Variants in PIK3C2G observed in about 807,000 individuals in gnomAD.
PIK3C2G encodes the protein phosphatidylinositol-4-phosphate 3-kinase catalytic subunit type 2 gamma, also known as phosphatidylinositol 3-kinase C2 domain-containing subunit gamma.
In PIK3C2G, 168 loss-of-function variants were observed where a neutral mutation model predicts 181.1. The observed-to-expected ratio is 0.93, with a 90% CI of 0.82 to 1.05. The LOEUF (loss-of-function observed/expected upper bound fraction) is 1.05. PIK3C2G is among the 50% of genes least tolerant of loss of function. The pLI, the probability that PIK3C2G is intolerant of heterozygous loss-of-function variation, is 0.00. For synonymous variants in PIK3C2G, 573 were observed against 592.2 expected, an observed-to-expected ratio of 0.97 and a Z score of 0.47; for missense variants, 1,869 against 1,732.8, an observed-to-expected ratio of 1.08 and a Z score of -1.40.
At chr12:18,354,241 A>T (rs1265097087) in intron 11 of PIK3C2G, among the ~76,000 whole-genome samples, 5 of 152,212 alleles carry the variant, frequency 3.3e-5, no homozygotes, top group Non-Finnish European at 7.3e-5. Flanking sequence ...CAAGTCCTGT[A>T]GGTAGAAGGG....
At chr12:18,449,620 G>C (rs777389709) in intron 18 of PIK3C2G, among the ~76,000 whole-genome samples, 2 of 152,132 alleles carry the variant, frequency 1.3e-5, no homozygotes, top group Non-Finnish European at 2.9e-5. Flanking sequence ...TTCCTGCAAA[G>C]GACATGAATT....
chr12:18,312,198 G>A (rs1380705315), intron 5 of PIK3C2G, among the ~76,000 whole-genome samples: 3 of 152,060 alleles, frequency 2.0e-5, no homozygotes, highest in African/African-American at 7.2e-5. Flanking sequence ...TGCATCCTCC[G>A]ATCCAATCAA....
intron 31 of PIK3C2G, among the ~76,000 whole-genome samples, chr12:18,613,664 G>A (rs928848223): frequency 6.6e-6 from 1 of 152,026 alleles, no homozygotes; most frequent in African/African-American, 2.4e-5. Flanking sequence ...TTGGTCCCAT[G>A]GATTCCTCTA....
intron 22 of PIK3C2G, among the ~76,000 whole-genome samples, chr12:18,500,735 AT>A (rs1350155377): frequency 6.6e-6 from 1 of 152,122 alleles, no homozygotes; most frequent in Non-Finnish European, 1.5e-5. Flanking sequence ...AGATAAAAGA[AT>A]AAAAGCAGGC....
the PIK3C2G span, among the ~76,000 whole-genome samples, chr12:18,712,236 A>G: frequency 6.6e-6 from 1 of 152,164 alleles, no homozygotes; most frequent in Non-Finnish European, 1.5e-5. Context: ...CACGTTTATA[A>G]ATGAAACCAG....
At chr12:18,655,316 C>T in the PIK3C2G span, among the ~76,000 whole-genome samples, 2 of 152,058 alleles carry the variant, frequency 1.3e-5, no homozygotes, top group Non-Finnish European at 2.9e-5. Flanking sequence ...AAAGAGTTCC[C>T]AATGGCCAAA....
intron 11 of PIK3C2G, among the ~76,000 whole-genome samples, chr12:18,361,125 C>T (rs937364835): frequency 4.0e-5 from 6 of 151,890 alleles, no homozygotes; most frequent in African/African-American, 1.5e-4. Context: ...GCTTCTCTGG[C>T]TGGATAATTT....
intron 18 of PIK3C2G, among the ~76,000 whole-genome samples, chr12:18,444,584 A>G (rs1319816548): frequency 6.6e-6 from 1 of 152,168 alleles, no homozygotes; most frequent in Non-Finnish European, 1.5e-5. Context: ...TATCCTGAAT[A>G]TAACAATTAG....
chr12:18,501,188 G>C lies in PIK3C2G; in HGVS notation c.3017-2093G>C, dbSNP rs1042641548. ...AGCAATTCCGGACGCACCTGGACTG[G>C]GTAATTAATAAAGGAAAGAGGTTAA... On this transcript the variant is annotated intron_variant, in intron 22 of 32. Transcript: ENST00000538779. 3.3e-5 allele frequency among the ~76,000 whole-genome samples: 5 copies of C among 152,306 alleles called. No homozygotes were observed. In the South Asian group the frequency reaches 1.0e-3, roughly 32 times the overall value.
intron 24 of PIK3C2G, among the ~76,000 whole-genome samples, chr12:18,537,348 T>C (rs1943913817): frequency 6.6e-6 from 1 of 152,118 alleles, no homozygotes. Flanking sequence ...AAACTCTGTG[T>C]TCTTATTCAA....
intron 18 of PIK3C2G, among the ~76,000 whole-genome samples, chr12:18,486,770 A>G (rs1304756305): frequency 1.3e-5 from 2 of 152,102 alleles, no homozygotes; most frequent in East Asian, 3.9e-4. Flanking sequence ...GATGAATCCC[A>G]TGTAGACTAT....
intron 6 of PIK3C2G, among the ~76,000 whole-genome samples, chr12:18,316,025 T>C (rs976250455): frequency 9.2e-5 from 14 of 152,062 alleles, no homozygotes; most frequent in African/African-American, 3.4e-4. Context: ...ATTATGATGG[T>C]ATATATTAGG....
chr12:18,692,143 A>G, the PIK3C2G span, among the ~76,000 whole-genome samples: 1 of 152,190 alleles, frequency 6.6e-6, no homozygotes, highest in African/African-American at 2.4e-5. Flanking sequence ...AGGAGCGCTC[A>G]GCAGCTGGCA....
At chr12:18,443,492 A>G (rs1040578744) in intron 18 of PIK3C2G, among the ~76,000 whole-genome samples, 13 of 152,194 alleles carry the variant, frequency 8.5e-5, no homozygotes, top group East Asian at 7.7e-4. Context: ...GAAATGAAAA[A>G]CCACTTCTTT....
Position 18,556,002 on chromosome 12 carries a change from C to T in PIK3C2G, c.3591-6701C>T, listed in dbSNP as rs115627800. Among the ~76,000 whole-genome samples, 1,147 of 152,198 alleles carry T rather than the reference C, an allele frequency of 7.5e-3. 12 individuals carry two copies. Among genetic ancestry groups the T allele is most frequent in the African/African-American group, 0.026 (1,087 of 41,544 alleles). On this transcript the variant is annotated intron_variant, in intron 26 of 32. Coordinates refer to ENST00000538779, the MANE Select transcript of PIK3C2G (RefSeq NM_001288772.2). ...TTAACATGAAGCATTTAGTGTACTACCTGCCAAGGGATATATACTTCCTCA... is the reference window on the plus strand; with the variant it reads ...TTAACATGAAGCATTTAGTGTACTATCTGCCAAGGGATATATACTTCCTCA...
chr12:18,474,959 C>T (rs1938824545), intron 18 of PIK3C2G, among the ~76,000 whole-genome samples: 1 of 152,046 alleles, frequency 6.6e-6, no homozygotes, highest in African/African-American at 2.4e-5. Flanking sequence ...CCAACCTCTA[C>T]TGATGATTTC....
intron 18 of PIK3C2G, among the ~76,000 whole-genome samples, chr12:18,452,587 GTTAA>G (rs1489985876): frequency 6.6e-6 from 1 of 151,718 alleles, no homozygotes; most frequent in Non-Finnish European, 1.5e-5. Flanking sequence ...TCTAATCTTA[GTTAA>G]TTCTTGTCTT....
rs1012596747 is a variant in PIK3C2G at position 18,454,628 on chromosome 12, G to A, written c.2504+30589G>A. On this transcript the variant is annotated intron_variant, in intron 18 of 32. Coordinates refer to ENST00000538779, the MANE Select transcript of PIK3C2G (RefSeq NM_001288772.2). The stretch of plus-strand genomic sequence containing the variant: ...CCTGCTGTTTTGAGAATAGAATTAA[G>A]GAGACAAAGGCAAAAGCAGAAAAGT... Among the ~76,000 whole-genome samples the A allele has an allele frequency of 2.0e-5, 3 of 152,076 alleles. No individual in the cohort carries two copies. The South Asian group carries it at 6.2e-4, about 31-fold the overall frequency.
chr12:18,588,011 C>T (rs1335560375), intron 29 of PIK3C2G, among the ~76,000 whole-genome samples: 1 of 152,046 alleles, frequency 6.6e-6, no homozygotes, highest in Non-Finnish European at 1.5e-5. Context: ...AAAGCACTCC[C>T]TATTCAATAC....
Sources: allele counts gnomAD v4.1 joint callset (sites outside exome capture counted in the v4.1 genomes callset), GRCh38; gene constraint gnomAD v4.1.1; transcripts MANE v1.5; gene names NCBI Gene and HGNC (gene_info 2026-07-23, HGNC 2026-07-21).